The following MTCL1 variants were observed in gnomAD, a reference collection of about 807,000 sequenced individuals.
MTCL1 encodes microtubule cross-linking factor 1.
In MTCL1, 79 loss-of-function variants were observed where a neutral mutation model predicts 141.4. That is an observed-to-expected ratio of 0.56 (90% CI 0.47 to 0.67). The LOEUF is 0.67. Ranked by LOEUF, MTCL1 falls within the 30% of genes least tolerant of loss-of-function variation. MTCL1 has a pLI of 0.00. For missense variants in MTCL1, 2,177 were observed against 2,113.9 expected, an observed-to-expected ratio of 1.03 and a Z score of -0.59; for synonymous variants, 914 against 875.8, an observed-to-expected ratio of 1.04 and a Z score of -0.77.
At chr18:8,729,671 CAAATATATATATATATATATATATATAT>C (rs2096240175) in intron 4 of MTCL1, among the ~76,000 whole-genome samples, 3 of 127,994 alleles carry the variant, frequency 2.3e-5, no homozygotes, top group African/African-American at 8.4e-5. Context: ...CCCAAGAAGA[CAAATATATATATATATATATATATATAT>C]ATATATATAT....
intron 10 of MTCL1, among the ~76,000 whole-genome samples, chr18:8,802,508 C>CATTG (rs2076155732): frequency 6.6e-6 from 1 of 152,192 alleles, no homozygotes; most frequent in Non-Finnish European, 1.5e-5. Flanking sequence ...AATTAGCCAG[C>CATTG]ATTGCATCAC....
intron 4 of MTCL1, among the ~76,000 whole-genome samples, chr18:8,758,340 C>A (rs996166632): frequency 1.3e-5 from 2 of 151,998 alleles, no homozygotes; most frequent in Non-Finnish European, 2.9e-5. Context: ...CTCTTCTAAT[C>A]CCTCAGGAGT....
intron 1 of MTCL1, among the ~76,000 whole-genome samples, chr18:8,708,386 T>G (rs2096069143): frequency 6.6e-6 from 1 of 152,250 alleles, no homozygotes; most frequent in African/African-American, 2.4e-5. Context: ...GAAATGTGTC[T>G]GAGCCTGGAG....
chr18:8,739,064 C>T (rs1025637601), intron 4 of MTCL1, among the ~76,000 whole-genome samples: 1 of 152,018 alleles, frequency 6.6e-6, no homozygotes, highest in Non-Finnish European at 1.5e-5. Flanking sequence ...CATAGCAAGA[C>T]CTTGCGTCTA....
intron 4 of MTCL1, among the ~76,000 whole-genome samples, chr18:8,742,267 T>A (rs1022221824): frequency 2.0e-5 from 3 of 152,204 alleles, no homozygotes; most frequent in Non-Finnish European, 4.4e-5. Context: ...AGACTGCTTT[T>A]ATCTGTTCCC....
Position 8,818,989 on chromosome 18 carries a change from A to C in MTCL1, c.2886A>C (p.Arg962Ser), listed in dbSNP as rs143851805. The change falls in exon 13 of 17, where the codon AGA becomes AGC. Residue 962 changes from arginine to serine, a missense_variant. Physicochemically the swap from Arg to Ser is moderately radical, Grantham distance 110. Coordinates refer to ENST00000359865, the Ensembl canonical transcript of MTCL1. ...TGCAGAAAGAGAACAGTCCCCGGAGAGGTGGCAGTTTCCTCTGTGATCAAA... is the reference window on the plus strand; with the variant it reads ...TGCAGAAAGAGAACAGTCCCCGGAGCGGTGGCAGTTTCCTCTGTGATCAAA... 15 of 1,613,784 alleles carry C rather than the reference A, an allele frequency of 9.3e-6. No individual in the cohort carries two copies. In the African/African-American group the frequency reaches 2.0e-4, roughly 22 times the overall value.
At chr18:8,813,833 A>G (rs1001618844) in intron 12 of MTCL1, among the ~76,000 whole-genome samples, 4 of 152,102 alleles carry the variant, frequency 2.6e-5, no homozygotes, top group African/African-American at 9.7e-5. Context: ...TTTGGGGAGG[A>G]GGGGGGTAGT....
chr18:8,785,641 G>A, intron 6 of MTCL1: 1 of 393,718 alleles, frequency 2.5e-6, no homozygotes, highest in Non-Finnish European at 4.6e-6. Flanking sequence ...CATCGCATGT[G>A]CCCCGTAACC....
intron 16 of MTCL1, chr18:8,829,992 A>G (rs1377456052): frequency 1.0e-6 from 1 of 985,410 alleles, no homozygotes; most frequent in Admixed American, 6.1e-5. Context: ...GGAACGGGAT[A>G]CGGTGGTGTC....
chr18:8,798,023 C>T (rs889717680), intron 9 of MTCL1, 74 bp from the exon 9 acceptor site: 3 of 1,424,618 alleles, frequency 2.1e-6, no homozygotes, highest in Non-Finnish European at 2.9e-6. Context: ...TGGTTATCCT[C>T]AGACAGTGAA....
chr18:8,742,231 G>C (rs1227485093), intron 4 of MTCL1, among the ~76,000 whole-genome samples: 1 of 152,140 alleles, frequency 6.6e-6, no homozygotes, highest in Admixed American at 6.6e-5. Context: ...AAGGATGCGT[G>C]AGATACCTGT....
At chr18:8,776,730 T>G (rs532475313) in intron 4 of MTCL1, among the ~76,000 whole-genome samples, 766 of 58,148 alleles carry the variant, frequency 0.013, 7 homozygotes, top group African/African-American at 0.071. Flanking sequence ...TAGTTATTTA[T>G]TTATTTATTT....
chr18:8,760,224 C>T (rs898870795), intron 4 of MTCL1, among the ~76,000 whole-genome samples: 6 of 152,152 alleles, frequency 3.9e-5, no homozygotes, highest in Non-Finnish European at 8.8e-5. Context: ...CAGTGCCGGG[C>T]TATGGAGGGT....
chr18:8,817,767 G>A (rs917887016), intron 12 of MTCL1, among the ~76,000 whole-genome samples: 3 of 152,178 alleles, frequency 2.0e-5, no homozygotes, highest in Non-Finnish European at 2.9e-5. Context: ...CACTTTCATC[G>A]TTCAGATACT....
chr18:8,720,196 A>G (rs1184969473), intron 3 of MTCL1, 142 bp from the exon 3 acceptor site: 1 of 736,658 alleles, frequency 1.4e-6, no homozygotes, highest in East Asian at 2.6e-5. Context: ...CCTTTTAACA[A>G]TAAGTCAGTT....
intron 4 of MTCL1, among the ~76,000 whole-genome samples, chr18:8,743,077 C>G (rs1028421143): frequency 6.6e-6 from 1 of 152,186 alleles, no homozygotes; most frequent in Non-Finnish European, 1.5e-5. Context: ...GAGTAATTTA[C>G]TTTAAACTGC....
At chr18:8,775,413 A>G (rs2143215059) in intron 4 of MTCL1, among the ~76,000 whole-genome samples, 1 of 151,542 alleles carries the variant, frequency 6.6e-6, no homozygotes, top group African/African-American at 2.4e-5. Flanking sequence ...TCTACTAAAA[A>G]AAAAAAAAAA....
intron 7 of MTCL1, among the ~76,000 whole-genome samples, chr18:8,787,799 C>A (rs934430707): frequency 2.6e-5 from 4 of 152,266 alleles, no homozygotes; most frequent in Middle Eastern, 3.4e-3. Context: ...GCAAACACAT[C>A]CTATTTTATT....
intron 14 of MTCL1, among the ~76,000 whole-genome samples, chr18:8,823,777 G>A (rs1054244823): frequency 3.3e-5 from 5 of 152,224 alleles, no homozygotes; most frequent in Admixed American, 6.5e-5. Flanking sequence ...GCTGCCCAGA[G>A]CTTTGCTGGT....
Sources: gnomAD v4.1 joint callset for allele counts (sites outside exome capture counted in the v4.1 genomes callset) on GRCh38, gnomAD v4.1.1 for gene constraint, MANE v1.5 for transcripts, NCBI Gene and HGNC (gene_info 2026-07-23, HGNC 2026-07-21) for gene names.